ARMC8: variants seen among roughly 807,000 people sequenced by gnomAD.
ARMC8 encodes armadillo repeat containing 8.
A neutral mutation model predicts 99.3 loss-of-function variants in ARMC8; 20 were observed. The ratio of observed to expected loss-of-function variants is 0.20; its 90% CI spans 0.14 to 0.29. The LOEUF (loss-of-function observed/expected upper bound fraction) is 0.29, where lower values mean the gene tolerates loss of function less well. ARMC8 is among the 10% of genes least tolerant of loss of function. The pLI is 1.00. For synonymous variants in ARMC8, 263 were observed against 278.3 expected (o/e 0.95, Z 0.55); for missense variants, 569 against 809.5 (o/e 0.70, Z 3.60).
At chr3:138,250,835 A>C (rs868414045) in intron 12 of ARMC8, among the ~76,000 whole-genome samples, 1 of 152,182 alleles carries the variant, frequency 6.6e-6, no homozygotes, top group East Asian at 1.9e-4. Context: ...AATCTTTCTT[A>C]ATATCTTTCT....
intron 18 of ARMC8, among the ~76,000 whole-genome samples, chr3:138,279,286 CAATT>C (rs1358147805): frequency 6.6e-6 from 1 of 151,860 alleles, no homozygotes; most frequent in African/African-American, 2.4e-5. Context: ...TTTTTTCAAT[CAATT>C]ACTTTCTTTT....
At position 138,200,904 on chromosome 3, in the gene ARMC8, C is replaced by CTT. The variant is rs34087212; in HGVS notation, c.46-8888_46-8887dup. 4.6e-3 allele frequency among the ~76,000 whole-genome samples: 293 copies of CTT among 63,378 alleles called. 43 individuals carry two copies. Among genetic ancestry groups the CTT allele is most frequent in the Non-Finnish European group, 6.4e-3 (220 of 34,280 alleles). 41.6% of individuals were successfully genotyped at this position (63,378 alleles called of 152,430 possible). On this transcript the variant is annotated intron_variant, in intron 1 of 21. Transcript: ENST00000469044. ...TGAAATGTACACACCCTTCAGTGGG[C>CTT]TTTTTTTTTTTTTTTTTTTTTTTTT...
At position 138,193,375 on chromosome 3, in the gene ARMC8, C is replaced by T. The variant is rs116894212; in HGVS notation, c.45+5776C>T. 3.8e-4 allele frequency among the ~76,000 whole-genome samples: 58 copies of T among 152,312 alleles called. No homozygotes were observed. In the East Asian group the frequency reaches 0.011, roughly 28 times the overall value. On this transcript the variant is annotated intron_variant, in intron 1 of 21. Transcript: ENST00000469044. ...TCCCAGGCTCAAGAGATTCTCGGGC[C>T]TCTGCCTCCCAAGTAGCTCAGATTA... is the stretch of plus-strand genomic sequence containing the variant.
At chr3:138,278,902 A>T (rs1041315924) in intron 18 of ARMC8, among the ~76,000 whole-genome samples, 7 of 152,204 alleles carry the variant, frequency 4.6e-5, no homozygotes, top group Non-Finnish European at 8.8e-5. Flanking sequence ...TGTATCCTGC[A>T]TTCTTGCCAA....
intron 2 of ARMC8, among the ~76,000 whole-genome samples, chr3:138,218,567 A>T (rs2045215338): frequency 6.6e-6 from 1 of 152,294 alleles, no homozygotes; most frequent in South Asian, 2.1e-4. Context: ...TCTAAGGTTT[A>T]TCTTAGTTCT....
At chr3:138,227,001 A>T (rs1334159888) in intron 5 of ARMC8, among the ~76,000 whole-genome samples, 33 of 152,218 alleles carry the variant, frequency 2.2e-4, no homozygotes, top group Admixed American at 2.2e-3. Flanking sequence ...GTTTCAGTGT[A>T]ATTAACTGAC....
intron 1 of ARMC8, chr3:138,188,589 A>G: frequency 6.2e-7 from 1 of 1,608,682 alleles, no homozygotes; most frequent in South Asian, 1.1e-5. Flanking sequence ...ATACTGATTG[A>G]CCATCTTTTA....
At chr3:138,255,546 G>A (rs564713465) in intron 12 of ARMC8, among the ~76,000 whole-genome samples, 1 of 152,196 alleles carries the variant, frequency 6.6e-6, no homozygotes, top group Middle Eastern at 3.4e-3. Context: ...GAAGAATTTG[G>A]TATGAATGTG....
intron 1 of ARMC8, chr3:138,188,349 A>C: frequency 1.5e-6 from 2 of 1,352,022 alleles, no homozygotes; most frequent in African/African-American, 1.5e-5. Context: ...AAAGAAGGGA[A>C]CGTATTGACA....
chr3:138,235,251 T>C (rs2046268925), intron 7 of ARMC8, 137 bp downstream of exon 7: 1 of 615,848 alleles, frequency 1.6e-6, no homozygotes, highest in Non-Finnish European at 2.8e-6. Flanking sequence ...TAGGGCATCA[T>C]TTTAGCTATA....
chr3:138,257,887 C>G (rs1327828656), intron 12 of ARMC8, among the ~76,000 whole-genome samples: 1 of 152,132 alleles, frequency 6.6e-6, no homozygotes, highest in Non-Finnish European at 1.5e-5. Flanking sequence ...TGCTTGGCTG[C>G]TTAATCCCTC....
intron 10 of ARMC8, among the ~76,000 whole-genome samples, chr3:138,239,988 T>C (rs2046529531): frequency 6.6e-6 from 1 of 152,200 alleles, no homozygotes. Flanking sequence ...GCATTGTCAT[T>C]GTGATATGTC....
chr3:138,237,450 T>A, intron 8 of ARMC8, 32 bp from the exon 9 acceptor site: 1 of 1,611,502 alleles, frequency 6.2e-7, no homozygotes. Context: ...TTAAAGAATT[T>A]CCTTAATCAT....
rs186085745 is a variant in ARMC8, at chr3:138,201,278, C to T, written c.46-8539C>T. ...GCTGTTTAAATATTTTCTTGACCAA[C>T]TCAGTTAAAAAATACACTTCAGCAT... On this transcript the variant is annotated intron_variant, in intron 1 of 21. Coordinates refer to ENST00000469044, the MANE Select transcript of ARMC8 (RefSeq NM_001363941.2). 4.2e-4 allele frequency among the ~76,000 whole-genome samples: 64 copies of T among 150,868 alleles called. No individual in the cohort carries two copies. The East Asian group carries it at 0.012, about 29-fold the overall frequency.
chr3:138,201,207 C>T lies in ARMC8; in HGVS notation c.46-8610C>T, dbSNP rs180807577. Among the ~76,000 whole-genome samples the T allele has an allele frequency of 1.5e-4, 23 of 151,046 alleles. No individual in the cohort carries two copies. In the East Asian group the frequency reaches 4.3e-3, roughly 28 times the overall value. On this transcript the variant is annotated intron_variant, in intron 1 of 21. Transcript: ENST00000469044. ...GATTACAGGCGTGAGCTATGCCTGGCCTATTTTTTTTTTTAATGTTAGTTG... is the reference window on the plus strand; with the variant it reads ...GATTACAGGCGTGAGCTATGCCTGGTCTATTTTTTTTTTTAATGTTAGTTG...
chr3:138,264,080 A>G, intron 13 of ARMC8, 51 bp from the exon 14 acceptor site: 1 of 1,534,410 alleles, frequency 6.5e-7, no homozygotes, highest in Non-Finnish European at 9.0e-7. Context: ...GTTTGTTTGA[A>G]AAGTAAAAGT....
intron 16 of ARMC8, among the ~76,000 whole-genome samples, chr3:138,271,290 C>T (rs1188645830): frequency 6.6e-6 from 1 of 152,196 alleles, no homozygotes; most frequent in Non-Finnish European, 1.5e-5. Context: ...GCTTCCTTTT[C>T]AACCTCTTCT....
chr3:138,228,920 T>C lies in ARMC8; in HGVS notation c.438T>C (p.Asp146=), dbSNP rs774992943. 6.2e-7 allele frequency: 1 copy of C among 1,603,438 alleles called. No homozygotes were observed. Among genetic ancestry groups the C allele is most frequent in the Non-Finnish European group, 8.5e-7 (1 of 1,172,514 alleles). The change falls in exon 6 of 22, where the codon GAT becomes GAC. Residue 146 remains aspartate (D), a splice_region_variant and synonymous_variant. Transcript: ENST00000469044. The part of the protein sequence containing the change: ...PVTPEELLYT[D]ATVIPHLMAL... ...GTTGCTGTGTTCTCCTTCCCTAGGA[T>C]GCCACAGTGATACCACACCTCATGG...
chr3:138,268,580 C>T (rs1258874221), intron 15 of ARMC8, among the ~76,000 whole-genome samples: 2 of 152,094 alleles, frequency 1.3e-5, no homozygotes, highest in African/African-American at 4.8e-5. Flanking sequence ...AATTAACTCC[C>T]AACCGGGGCA....
Sources: gnomAD v4.1 joint callset for allele counts (sites outside exome capture counted in the v4.1 genomes callset) on GRCh38, gnomAD v4.1.1 for gene constraint, MANE v1.5 for transcripts, NCBI Gene and HGNC (gene_info 2026-07-23, HGNC 2026-07-21) for gene names.